CNTNAP2: variants seen among roughly 807,000 people sequenced by gnomAD.
CNTNAP2 encodes contactin-associated protein-like 2.
Under a neutral mutation model 155.2 loss-of-function variants are expected in CNTNAP2, and 98 were observed. That is an observed-to-expected ratio of 0.63 (90% confidence interval 0.54 to 0.75). The LOEUF (loss-of-function observed/expected upper bound fraction) is 0.75, where lower values mean the gene tolerates loss of function less well. CNTNAP2 is among the 30% of genes least tolerant of loss of function. The probability of loss-of-function intolerance (pLI) is 0.00; values close to 1 mark genes in which losing one functional copy is unlikely to be tolerated. For missense variants in CNTNAP2, 1,727 were observed against 1,688.1 expected (o/e 1.02, Z -0.40); for synonymous variants, 651 against 631.2 (o/e 1.03, Z -0.47).
chr7:147,999,942 G>A (rs949140138), intron 15 of CNTNAP2, among the ~76,000 whole-genome samples: 4 of 152,138 alleles, frequency 2.6e-5, no homozygotes, highest in African/African-American at 7.2e-5. Flanking sequence ...TCTACCCCCA[G>A]TACTGTGGGA....
At chr7:147,701,522 T>C (rs1322127855) in intron 13 of CNTNAP2, among the ~76,000 whole-genome samples, 1 of 152,190 alleles carries the variant, frequency 6.6e-6, no homozygotes, top group Non-Finnish European at 1.5e-5. Context: ...AAATTACATA[T>C]CCAAACAGAG....
At chr7:148,042,541 A>T (rs1802697785) in intron 15 of CNTNAP2, among the ~76,000 whole-genome samples, 1 of 152,124 alleles carries the variant, frequency 6.6e-6, no homozygotes. Context: ...CTCAGCCTCT[A>T]CCTGCACCCA....
At chr7:148,275,998 A>T (rs1384368578) in intron 21 of CNTNAP2, among the ~76,000 whole-genome samples, 4 of 152,142 alleles carry the variant, frequency 2.6e-5, no homozygotes, top group African/African-American at 9.7e-5. Context: ...AGAATGGTGG[A>T]AAGTCGGATG....
At chr7:146,260,578 G>A (rs1407104377) in intron 1 of CNTNAP2, among the ~76,000 whole-genome samples, 1 of 152,220 alleles carries the variant, frequency 6.6e-6, no homozygotes, top group African/African-American at 2.4e-5. Context: ...TTATTTTGAA[G>A]CTATAAGATT....
chr7:147,657,972 C>CATTACCTTAATGAATTTTCCACAAA (rs1584883346), intron 13 of CNTNAP2, among the ~76,000 whole-genome samples: 1 of 149,154 alleles, frequency 6.7e-6, no homozygotes, highest in Non-Finnish European at 1.5e-5. Flanking sequence ...AGATAGCCGA[C>CATTACCTTAATGAATTTTCCACAAA]CTGGCCGGGC....
At chr7:147,184,897 A>G (rs1346853568) in intron 8 of CNTNAP2, among the ~76,000 whole-genome samples, 3 of 152,208 alleles carry the variant, frequency 2.0e-5, no homozygotes, top group Admixed American at 2.0e-4. Context: ...CAAGTGATCC[A>G]TATCTACTAC....
intron 1 of CNTNAP2, among the ~76,000 whole-genome samples, chr7:146,169,522 C>A (rs1159617196): frequency 6.6e-6 from 1 of 152,112 alleles, no homozygotes; most frequent in Non-Finnish European, 1.5e-5. Context: ...AAGATCTATT[C>A]TCTTAGCAAA....
At chr7:147,993,252 A>G (rs1801746866) in intron 15 of CNTNAP2, among the ~76,000 whole-genome samples, 1 of 152,242 alleles carries the variant, frequency 6.6e-6, no homozygotes, top group South Asian at 2.1e-4. Flanking sequence ...AAACCTTGGC[A>G]TTGAACTTGT....
intron 13 of CNTNAP2, among the ~76,000 whole-genome samples, chr7:147,864,112 T>C (rs1476148444): frequency 2.6e-5 from 4 of 152,038 alleles, no homozygotes; most frequent in Admixed American, 2.6e-4. Flanking sequence ...GTATATGATG[T>C]AAAGAAAGGA....
intron 8 of CNTNAP2, among the ~76,000 whole-genome samples, chr7:147,221,478 A>G (rs1803397689): frequency 6.6e-6 from 1 of 152,068 alleles, no homozygotes; most frequent in African/African-American, 2.4e-5. Flanking sequence ...ATTGCAAGGA[A>G]TATCAGGTCC....
At chr7:148,344,819 C>A (rs2116586852) in intron 21 of CNTNAP2, among the ~76,000 whole-genome samples, 1 of 152,250 alleles carries the variant, frequency 6.6e-6, no homozygotes, top group East Asian at 1.9e-4. Flanking sequence ...GCGTATAAAT[C>A]TAAGCCAAAA....
intron 8 of CNTNAP2, among the ~76,000 whole-genome samples, chr7:147,241,788 T>G (rs564665369): frequency 6.6e-6 from 1 of 152,292 alleles, no homozygotes; most frequent in African/African-American, 2.4e-5. Flanking sequence ...AAATATAATC[T>G]AGAATTGCTA....
chr7:148,266,432 A>G (rs1419331199), intron 20 of CNTNAP2, among the ~76,000 whole-genome samples: 1 of 152,164 alleles, frequency 6.6e-6, no homozygotes, highest in Non-Finnish European at 1.5e-5. Context: ...AGGATCAGAA[A>G]CGTGCGTCGC....
chr7:147,869,045 T>C (rs1023534097), intron 13 of CNTNAP2, among the ~76,000 whole-genome samples: 1 of 152,224 alleles, frequency 6.6e-6, no homozygotes, highest in Non-Finnish European at 1.5e-5. Flanking sequence ...ATCATCCATC[T>C]TCTGCATCGA....
At chr7:146,748,677 A>G (rs1202863910) in intron 1 of CNTNAP2, among the ~76,000 whole-genome samples, 3 of 152,356 alleles carry the variant, frequency 2.0e-5, no homozygotes, top group Admixed American at 6.5e-5. Context: ...GAAAACATTT[A>G]TAATATGATG....
At chr7:146,578,003 T>C (rs1584990172) in intron 1 of CNTNAP2, among the ~76,000 whole-genome samples, 1 of 152,240 alleles carries the variant, frequency 6.6e-6, no homozygotes, top group East Asian at 1.9e-4. Context: ...ATAGAAGTCA[T>C]CATCCAACTA....
intron 1 of CNTNAP2, among the ~76,000 whole-genome samples, chr7:146,356,052 TACACACACACAC>T (rs68125550): frequency 0.31 from 44,210 of 144,036 alleles, 6,794 homozygotes; most frequent in Admixed American, 0.43. Flanking sequence ...TACATACGAA[TACACACACACAC>T]ACACACACAC....
At chr7:147,787,965 A>G (rs1797763526) in intron 13 of CNTNAP2, among the ~76,000 whole-genome samples, 1 of 152,216 alleles carries the variant, frequency 6.6e-6, no homozygotes, top group African/African-American at 2.4e-5. Flanking sequence ...ACTTTTCTCA[A>G]CTTGTGGATT....
At chr7:146,804,837 T>A (rs943846733) in intron 2 of CNTNAP2, among the ~76,000 whole-genome samples, 1 of 152,194 alleles carries the variant, frequency 6.6e-6, no homozygotes, top group African/African-American at 2.4e-5. Context: ...GTATTCCTCT[T>A]CCCACCTCAA....
Sources: gnomAD v4.1 joint callset for allele counts (sites outside exome capture counted in the v4.1 genomes callset) on GRCh38, gnomAD v4.1.1 for gene constraint, MANE v1.5 for transcripts, NCBI Gene and HGNC (gene_info 2026-07-23, HGNC 2026-07-21) for gene names.